RIPOR1: variants seen among roughly 807,000 people sequenced by gnomAD.
RIPOR1 encodes RHO family interacting cell polarization regulator 1, also known as rho family-interacting cell polarization regulator 1.
In RIPOR1, 58 loss-of-function variants were observed where a neutral mutation model predicts 116.5. The ratio of observed to expected loss-of-function variants is 0.50; its 90% CI spans 0.40 to 0.62. The LOEUF (loss-of-function observed/expected upper bound fraction) is 0.62. Ranked by LOEUF, RIPOR1 falls within the 20% of genes least tolerant of loss-of-function variation. The pLI is 0.00. For synonymous variants in RIPOR1, 605 were observed against 650.0 expected (o/e 0.93, Z 1.05); for missense variants, 1,372 against 1,586.2 (o/e 0.86, Z 2.29).
At chr16:67,519,344 G>A (rs1334259459) in intron 1 of RIPOR1, among the ~76,000 whole-genome samples, 9 of 152,156 alleles carry the variant, frequency 5.9e-5, no homozygotes, top group Admixed American at 5.2e-4. Flanking sequence ...GGAAGGCAGG[G>A]TGTATCCAGG....
chr16:67,540,646 T>C lies in RIPOR1; in HGVS notation c.743T>C (p.Val248Ala), dbSNP rs764844466. 1 of 1,613,486 alleles carries C rather than the reference T, an allele frequency of 6.2e-7. No homozygotes were observed. The highest frequency in any genetic ancestry group is 1.1e-5 in the South Asian group (1 of 91,020). Residue 248 changes from valine to alanine, a missense_variant, in exon 10 of 22, where the codon GTG becomes GCG. This residue lies in a region of RIPOR1 where 202 missense variants were observed against 295.9 expected (regional missense o/e 0.68). Coordinates refer to ENST00000042381, the MANE Select transcript of RIPOR1 (RefSeq NM_024519.4). This position sits in a 1 kb window ranked among gnomAD's most constrained non-coding sequence, Gnocchi z 4.7. ...RGRIEGSGKQ[V>A]WDSEETIFLP... Reference sequence around the variant, plus strand: ...CGAATTGAGGGTAGTGGAAAGCAGGTGTGGGACAGTGAAGAAACCATCTTT... The same window carrying C: ...CGAATTGAGGGTAGTGGAAAGCAGGCGTGGGACAGTGAAGAAACCATCTTT...
chr16:67,524,991 C>A (rs2050527775), upstream of RIPOR1, among the ~76,000 whole-genome samples: 2 of 152,234 alleles, frequency 1.3e-5, no homozygotes, highest in African/African-American at 4.8e-5. Flanking sequence ...GCTCCCCAGC[C>A]GGCCCCAAGG....
chr16:67,546,559 T>TC lies in RIPOR1; in HGVS notation c.*101dup, dbSNP rs2051176898. ...GGTAAGGGCTGGCTCCAGATACCCC[T>TC]CCCCCACAGATTCCTAGCAATGAAA... On this transcript the variant is annotated 3_prime_UTR_variant, in exon 22 of 22. Transcript: ENST00000042381. The TC allele has an allele frequency of 1.1e-6, 1 of 892,316 alleles. No individual in the cohort carries two copies. The highest frequency in any genetic ancestry group is 1.8e-6 in the Non-Finnish European group (1 of 564,978). The allele number at this position is 892,316 out of a possible 1,614,324, so 55.3% of individuals were successfully genotyped here.
chr16:67,543,433 A>G lies in RIPOR1; in HGVS notation c.2564A>G (p.Glu855Gly), dbSNP rs2051061101. Residue 855 changes from glutamate (E) to glycine (G), a missense_variant, in exon 14 of 22, where the codon GAA (glutamate) becomes GGA (glycine). Around this residue, in one of 3 missense-constraint regions of RIPOR1, gnomAD observed 1,005 missense variants for 1,144.7 expected, o/e 0.88. Coordinates refer to ENST00000042381, the MANE Select transcript of RIPOR1 (RefSeq NM_024519.4). This position sits in a 1 kb window ranked among gnomAD's most constrained non-coding sequence, Gnocchi z 4.7. ...TTGGAGAGCTTCAGCTTCCTCAATGAAGACGAAGATGAAGACAATGATGTT... is the reference window on the plus strand; with the variant it reads ...TTGGAGAGCTTCAGCTTCCTCAATGGAGACGAAGATGAAGACAATGATGTT... Reference protein sequence around the residue: ...HALESFSFLNEDEDEDNDVPG... With the variant: ...HALESFSFLNGDEDEDNDVPG... 1 of 1,562,352 alleles carries G rather than the reference A, an allele frequency of 6.4e-7. No homozygotes were observed. Among genetic ancestry groups the G allele is most frequent in the Non-Finnish European group, 8.7e-7 (1 of 1,152,644 alleles).
At position 67,537,900 on chromosome 16, in the gene RIPOR1, G is replaced by C. The variant is rs536335496; in HGVS notation, c.-23-524G>C. Among the ~76,000 whole-genome samples, 1 of 152,066 alleles carries C rather than the reference G, an allele frequency of 6.6e-6. No individual in the cohort carries two copies. Among genetic ancestry groups the C allele is most frequent in the Admixed American group, 6.5e-5 (1 of 15,286 alleles). ...GGGCAGCAGGTCACGCTGGCAGGCG[G>C]GGGGCGGGCGACAAACCCGCACCGG... On this transcript the variant is annotated intron_variant, in intron 1 of 21. Coordinates refer to ENST00000042381, the MANE Select transcript of RIPOR1 (RefSeq NM_024519.4). The surrounding 1 kb of genome is among the most constrained non-coding windows in gnomAD (Gnocchi z 4.6).
In RIPOR1 at chr16:67,538,468, C is replaced by T. The variant is rs1362728286; in HGVS notation, c.22C>T (p.Pro8Ser). Reference protein sequence around the residue: MMSLSVRPQRRLLSARVN... With the variant: MMSLSVRSQRRLLSARVN... ...CTCTATGATGTCCCTGTCGGTGCGGCCGCAGCGCCGTCTGCTCAGCGCCCG... is the reference window on the plus strand; with the variant it reads ...CTCTATGATGTCCCTGTCGGTGCGGTCGCAGCGCCGTCTGCTCAGCGCCCG... The change falls in exon 2 of 22, where the codon CCG (proline) becomes TCG (serine). Residue 8 changes from proline (P) to serine (S), a missense_variant. By Grantham distance (74) the Pro-to-Ser change is moderately conservative. Around this residue, in one of 3 missense-constraint regions of RIPOR1, gnomAD observed 165 missense variants for 145.5 expected, o/e 1.13. Coordinates refer to ENST00000042381, the MANE Select transcript of RIPOR1 (RefSeq NM_024519.4). The T allele has an allele frequency of 1.2e-6, 2 of 1,609,388 alleles. No individual in the cohort carries two copies. The highest frequency in any genetic ancestry group is 2.2e-5 in the East Asian group (1 of 44,716).
chr16:67,525,447 T>G (rs983011184), upstream of RIPOR1, among the ~76,000 whole-genome samples: 20 of 152,226 alleles, frequency 1.3e-4, no homozygotes, highest in African/African-American at 4.6e-4. Flanking sequence ...GCTTCTATTC[T>G]ATCTGTTCAC....
Position 67,544,553 on chromosome 16 carries a change from G to A in RIPOR1, c.2733+122G>A. 1.3e-6 allele frequency: 2 copies of A among 1,528,566 alleles called. No individual in the cohort carries two copies. The highest frequency in any genetic ancestry group is 1.8e-6 in the Non-Finnish European group (2 of 1,127,140). The allele number at this position is 1,528,566 out of a possible 1,614,324, so 94.7% of individuals were successfully genotyped here. A position where few individuals can be genotyped will look rare whatever the true frequency, so the allele number is the denominator to read the frequency against. ...CACACCCCAGTGCCCCAGGGCCCTT[G>A]GCATCTGGCCCTTGCTGAATGGAGT... On this transcript the variant is annotated intron_variant, in intron 15 of 21. Transcript: ENST00000042381. This position sits in a 1 kb window ranked among gnomAD's most constrained non-coding sequence, Gnocchi z 5.1.
chr16:67,524,064 C>CA (rs1162626113), upstream of RIPOR1, among the ~76,000 whole-genome samples: 11 of 150,388 alleles, frequency 7.3e-5, no homozygotes, highest in South Asian at 4.2e-4. Flanking sequence ...CAGAGGCAAA[C>CA]AAAAAAAAAT....
At chr16:67,522,539 A>G (rs1163817574) in intron 1 of RIPOR1, among the ~76,000 whole-genome samples, 4 of 151,676 alleles carry the variant, frequency 2.6e-5, no homozygotes, top group African/African-American at 9.7e-5. Flanking sequence ...GTTTCACCAT[A>G]TTGGCCAGGA....
At chr16:67,538,199 A>AG (rs1429543310) in intron 1 of RIPOR1, 1 of 417,426 alleles carries the variant, frequency 2.4e-6, no homozygotes, top group Non-Finnish European at 4.1e-6. Context: ...GCACCTCGGC[A>AG]GGAAGTGGGG....
rs1459840989 is a variant in RIPOR1, at chr16:67,538,461, G to C, written c.15G>C (p.Ser5=). The C allele has an allele frequency of 1.9e-6, 3 of 1,608,284 alleles. No homozygotes were observed. The highest frequency in any genetic ancestry group is 2.5e-6 in the Non-Finnish European group (3 of 1,177,826). The change falls in exon 2 of 22, where the codon TCG becomes TCC. Residue 5 remains serine (S), a synonymous_variant. Coordinates refer to ENST00000042381, the MANE Select transcript of RIPOR1 (RefSeq NM_024519.4). MMSL[S]VRPQRRLLSA... is the part of the protein sequence containing the mutation. ...GGACTCACTCTATGATGTCCCTGTC[G>C]GTGCGGCCGCAGCGCCGTCTGCTCA...
At position 67,544,311 on chromosome 16, in the gene RIPOR1, C is replaced by A. The variant is rs1224244489; in HGVS notation, c.2613C>A (p.Ser871Arg). 6.2e-7 allele frequency: 1 copy of A among 1,605,960 alleles called. No homozygotes were observed. Among genetic ancestry groups the A allele is most frequent in the Admixed American group, 1.7e-5 (1 of 59,840 alleles). Residue 871 changes from serine (S) to arginine (R), a missense_variant, in exon 15 of 22, where the codon AGC becomes AGA. Physicochemically the swap from Ser to Arg is moderately radical, Grantham distance 110. This residue lies in a region of RIPOR1 where 1,005 missense variants were observed against 1,144.7 expected (regional missense o/e 0.88). Transcript: ENST00000042381. The surrounding 1 kb of genome is among the most constrained non-coding windows in gnomAD (Gnocchi z 5.1). Reference protein sequence around the residue: ...NDVPGDRPPSSPEAGAEDSID... With the variant: ...NDVPGDRPPSRPEAGAEDSID... ...ATTTTTCCCTCAGGCCTCCAAGCAGCCCGGAGGCTGGGGCTGAGGACAGCA... is the reference window on the plus strand; with the variant it reads ...ATTTTTCCCTCAGGCCTCCAAGCAGACCGGAGGCTGGGGCTGAGGACAGCA...
intron 1 of RIPOR1, 42 bp from the exon 2 acceptor site, chr16:67,538,382 G>C: frequency 6.6e-7 from 1 of 1,525,888 alleles, no homozygotes; most frequent in Admixed American, 2.0e-5. Context: ...AGAGGGCTTC[G>C]GGGATCCGAC....
rs934786122 is a variant in RIPOR1, at chr16:67,544,210, C to G, written c.2601-89C>G. On this transcript the variant is annotated intron_variant, in intron 14 of 21. Coordinates refer to ENST00000042381, the MANE Select transcript of RIPOR1 (RefSeq NM_024519.4). The surrounding 1 kb of genome is among the most constrained non-coding windows in gnomAD (Gnocchi z 5.1). ...TGTCGGTGCATCATCTTCTTCCTTT[C>G]TGGCATGGGGGAAGCTTAATAAAAA... 1 of 1,486,044 alleles carries G rather than the reference C, an allele frequency of 6.7e-7. No homozygotes were observed. Among genetic ancestry groups the G allele is most frequent in the African/African-American group, 1.4e-5 (1 of 71,378 alleles). 92.1% of individuals were successfully genotyped at this position (1,486,044 alleles called of 1,614,324 possible).
In RIPOR1 at chr16:67,543,510, G is replaced by T; in HGVS notation, c.2600+41G>T. The T allele has an allele frequency of 3.2e-6, 5 of 1,543,190 alleles. No individual in the cohort carries two copies. Among genetic ancestry groups the T allele is most frequent in the Non-Finnish European group, 4.4e-6 (5 of 1,146,622 alleles). Reference sequence around the variant, plus strand: ...AAGATGGGTGTGAGGCTAGGTGAGAGGGAAAAGGTGAGGCAGGACCAGGGG... The same window carrying T: ...AAGATGGGTGTGAGGCTAGGTGAGATGGAAAAGGTGAGGCAGGACCAGGGG... On this transcript the variant is annotated intron_variant, in intron 14 of 21. Coordinates refer to ENST00000042381, the MANE Select transcript of RIPOR1 (RefSeq NM_024519.4). The surrounding 1 kb of genome is among the most constrained non-coding windows in gnomAD (Gnocchi z 4.7).
In RIPOR1 at chr16:67,543,819, C is replaced by T; in HGVS notation, c.2600+350C>T. 1 of 403,374 alleles carries T rather than the reference C, an allele frequency of 2.5e-6. No homozygotes were observed. Among genetic ancestry groups the T allele is most frequent in the Non-Finnish European group, 4.6e-6 (1 of 216,488 alleles). 25.0% of individuals were successfully genotyped at this position (403,374 alleles called of 1,614,324 possible). ...GGACCTGCCCTTTAAGGAGCTCTCT[C>T]AGTGTCTCGCCGTGCACCCTGGGAC... On this transcript the variant is annotated intron_variant, in intron 14 of 21. Transcript: ENST00000042381. This position sits in a 1 kb window ranked among gnomAD's most constrained non-coding sequence, Gnocchi z 4.7.
In RIPOR1 at chr16:67,539,485, G is replaced by A. The variant is rs541709285; in HGVS notation, c.337-243G>A. ...AGCAGAGAGCTCTCCCCAGGCGGCTGCAGGAAAAGGAATCCCAGGGAAGAG... is the reference window on the plus strand; with the variant it reads ...AGCAGAGAGCTCTCCCCAGGCGGCTACAGGAAAAGGAATCCCAGGGAAGAG... On this transcript the variant is annotated intron_variant, in intron 4 of 21. Transcript: ENST00000042381. 1.7e-3 allele frequency: 1,037 copies of A among 592,692 alleles called. 7 individuals are homozygous for A. Among genetic ancestry groups the A allele is most frequent in the Middle Eastern group, 5.9e-3 (13 of 2,190 alleles). 36.7% of individuals were successfully genotyped at this position (592,692 alleles called of 1,614,324 possible).
In RIPOR1 at chr16:67,543,138, G is replaced by T. The variant is rs1373227865; in HGVS notation, c.2352G>T (p.Gly784=). 1.3e-6 allele frequency: 2 copies of T among 1,530,268 alleles called. No homozygotes were observed. Among genetic ancestry groups the T allele is most frequent in the Non-Finnish European group, 1.8e-6 (2 of 1,140,710 alleles). 94.8% of individuals were successfully genotyped at this position (1,530,268 alleles called of 1,614,324 possible). The stretch of plus-strand genomic sequence containing the variant: ...CCCCAGTCCCAACGGCAGCCGGAGG[G>T]TCTGGGGACAGGAGCCTGGAGGAGG... ...VQTPVPTAAG[G]SGDRSLEEAL... is the part of the protein sequence containing the mutation. Residue 784 remains glycine, a synonymous_variant, in exon 13 of 22, where the codon GGG becomes GGT. Coordinates refer to ENST00000042381, the MANE Select transcript of RIPOR1 (RefSeq NM_024519.4). The surrounding 1 kb of genome is among the most constrained non-coding windows in gnomAD (Gnocchi z 4.7).
Sources: gnomAD v4.1 joint callset for allele counts (sites outside exome capture counted in the v4.1 genomes callset) on GRCh38, gnomAD v4.1.1 for gene constraint, gnomAD v4.1.1 regional missense constraint, Gnocchi (gnomAD v3.1) non-coding constraint, MANE v1.5 for transcripts, NCBI Gene and HGNC (gene_info 2026-07-23, HGNC 2026-07-21) for gene names.